Variants in C8orf34 observed in about 807,000 individuals in gnomAD.
C8orf34 encodes the protein uncharacterized protein C8orf34.
C8orf34 carries 65 observed loss-of-function variants against 68.3 expected under a neutral mutation model. The observed-to-expected ratio is 0.95, with a 90% CI of 0.78 to 1.17. The LOEUF (loss-of-function observed/expected upper bound fraction) is 1.17. C8orf34 is among the 50% of genes most tolerant of loss of function. C8orf34 has a pLI of 0.00. For synonymous variants in C8orf34, 244 were observed against 241.2 expected (o/e 1.01, Z -0.11); for missense variants, 664 against 655.4 (o/e 1.01, Z -0.14).
chr8:68,476,490 G>A (rs1812622538), intron 4 of C8orf34, among the ~76,000 whole-genome samples: 3 of 152,126 alleles, frequency 2.0e-5, no homozygotes, highest in Admixed American at 2.0e-4. Context: ...TCATTGAAAA[G>A]GCCAAAAGGA....
intron 7 of C8orf34, among the ~76,000 whole-genome samples, chr8:68,570,021 A>T (rs941763681): frequency 6.6e-6 from 1 of 152,106 alleles, no homozygotes; most frequent in African/African-American, 2.4e-5. Context: ...TTCTCATTGC[A>T]CACTCCCTCT....
chr8:68,613,236 T>C (rs1818076374), intron 7 of C8orf34, among the ~76,000 whole-genome samples: 1 of 152,284 alleles, frequency 6.6e-6, no homozygotes, highest in Middle Eastern at 3.4e-3. Flanking sequence ...CCCTGTGGTC[T>C]GAATTTATCT....
intron 10 of C8orf34, among the ~76,000 whole-genome samples, chr8:68,763,707 T>C (rs1284455024): frequency 6.6e-6 from 1 of 152,258 alleles, no homozygotes; most frequent in Non-Finnish European, 1.5e-5. Flanking sequence ...TGATGACATC[T>C]TCTATCTTTT....
chr8:68,623,096 A>C (rs943886930), intron 7 of C8orf34, among the ~76,000 whole-genome samples: 2 of 152,224 alleles, frequency 1.3e-5, no homozygotes, highest in South Asian at 2.1e-4. Flanking sequence ...ACTGTACCAC[A>C]TACTAGCTGT....
intron 5 of C8orf34, among the ~76,000 whole-genome samples, chr8:68,504,793 C>T (rs983334230): frequency 2.0e-5 from 3 of 152,060 alleles, no homozygotes; most frequent in African/African-American, 7.2e-5. Context: ...GATTCTCGTG[C>T]CTCAGCCTCC....
At chr8:68,357,847 G>C (rs181997461) in intron 1 of C8orf34, among the ~76,000 whole-genome samples, 1 of 152,144 alleles carries the variant, frequency 6.6e-6, no homozygotes, top group African/African-American at 2.4e-5. Flanking sequence ...AAATATTTAC[G>C]TAGATATTTT....
intron 8 of C8orf34, among the ~76,000 whole-genome samples, chr8:68,665,060 C>A (rs963214694): frequency 6.6e-6 from 1 of 152,140 alleles, no homozygotes. Context: ...ATTCTCTTCT[C>A]CCATGGATTT....
At chr8:68,723,748 T>C (rs1821749055) in intron 10 of C8orf34, among the ~76,000 whole-genome samples, 1 of 152,068 alleles carries the variant, frequency 6.6e-6, no homozygotes, top group Non-Finnish European at 1.5e-5. Context: ...TTTTCTCCCA[T>C]CAAGATATAT....
At position 68,482,983 on chromosome 8, in the gene C8orf34, G is replaced by A. The variant is rs549520112; in HGVS notation, c.737-5040G>A. The stretch of plus-strand genomic sequence containing the variant: ...AATTTTCTACATTATAATACAATTG[G>A]CATTTTTTTCCAGTAGGGAAGTAGA... On this transcript the variant is annotated intron_variant, in intron 4 of 13. Transcript: ENST00000518698. Among the ~76,000 whole-genome samples, 315 of 90,812 alleles carry A rather than the reference G, an allele frequency of 3.5e-3. 1 individual carries two copies. Among genetic ancestry groups the A allele is most frequent in the African/African-American group, 0.011 (299 of 27,414 alleles). 59.6% of individuals were successfully genotyped at this position (90,812 alleles called of 152,430 possible). A position where few individuals can be genotyped will look rare whatever the true frequency, so the allele number is the denominator to read the frequency against.
Position 68,372,443 on chromosome 8 carries a change from G to A in C8orf34, c.327+41104G>A, listed in dbSNP as rs150273027. Among the ~76,000 whole-genome samples, 820 of 152,224 alleles carry A rather than the reference G, an allele frequency of 5.4e-3. 5 individuals carry two copies. The highest frequency in any genetic ancestry group is 0.017 in the African/African-American group (724 of 41,536). ...GCCTAGATGTTGCTGGTCCCTCTGA[G>A]GACTTGTAATGAGAATGGTTCTCCA... On this transcript the variant is annotated intron_variant, in intron 1 of 13. Coordinates refer to ENST00000518698, the MANE Select transcript of C8orf34 (RefSeq NM_052958.4).
At chr8:68,678,662 C>A (rs1165591295) in intron 8 of C8orf34, among the ~76,000 whole-genome samples, 1 of 152,078 alleles carries the variant, frequency 6.6e-6, no homozygotes, top group Non-Finnish European at 1.5e-5. Context: ...AACTGAAAGG[C>A]TTTTCTCTAA....
intron 10 of C8orf34, among the ~76,000 whole-genome samples, chr8:68,725,539 G>A (rs1210232966): frequency 6.6e-6 from 1 of 152,158 alleles, no homozygotes; most frequent in Non-Finnish European, 1.5e-5. Flanking sequence ...TCACATATTT[G>A]TACAGCACTT....
intron 10 of C8orf34, among the ~76,000 whole-genome samples, chr8:68,772,461 G>C (rs1823368939): frequency 6.6e-6 from 1 of 152,016 alleles, no homozygotes; most frequent in Non-Finnish European, 1.5e-5. Flanking sequence ...AATAACCAGG[G>C]GACCGACAAG....
intron 12 of C8orf34, among the ~76,000 whole-genome samples, chr8:68,806,595 G>T (rs1824493917): frequency 6.6e-6 from 1 of 152,002 alleles, no homozygotes; most frequent in Admixed American, 6.6e-5. Flanking sequence ...TTTTCCATTT[G>T]TCTTTTATTT....
At chr8:68,594,891 A>G (rs116250592) in intron 7 of C8orf34, among the ~76,000 whole-genome samples, 1,717 of 152,124 alleles carry the variant, frequency 0.011, 48 homozygotes, top group African/African-American at 0.038. Flanking sequence ...AATAGGATAG[A>G]TCAATTTTAA....
chr8:68,553,398 A>AC (rs1563526271), intron 7 of C8orf34, among the ~76,000 whole-genome samples: 13 of 150,674 alleles, frequency 8.6e-5, no homozygotes, highest in East Asian at 3.9e-4. Flanking sequence ...AAAAAAAAAA[A>AC]AAAAAAAAAA....
At chr8:68,369,591 A>G (rs956508208) in intron 1 of C8orf34, among the ~76,000 whole-genome samples, 1 of 152,194 alleles carries the variant, frequency 6.6e-6, no homozygotes, top group Admixed American at 6.6e-5. Context: ...TTACCTGTGC[A>G]TTCTGGATTG....
chr8:68,407,113 T>C (rs969767887), intron 1 of C8orf34, among the ~76,000 whole-genome samples: 3 of 152,154 alleles, frequency 2.0e-5, no homozygotes, highest in Non-Finnish European at 4.4e-5. Context: ...ATTAAAGTAT[T>C]ATCACTTGAA....
intron 8 of C8orf34, among the ~76,000 whole-genome samples, chr8:68,654,225 C>A (rs1220602553): frequency 1.3e-5 from 2 of 152,076 alleles, no homozygotes; most frequent in Non-Finnish European, 2.9e-5. Flanking sequence ...TCACTGGACA[C>A]CAAATCTGCC....
Sources: gnomAD v4.1 joint callset for allele counts (sites outside exome capture counted in the v4.1 genomes callset) on GRCh38, gnomAD v4.1.1 for gene constraint, MANE v1.5 for transcripts, NCBI Gene and HGNC (gene_info 2026-07-23, HGNC 2026-07-21) for gene names.